Variants in WDR19 observed in about 807,000 individuals in gnomAD.
WDR19 encodes the protein WD repeat-containing protein 19.
In WDR19, 121 loss-of-function variants were observed where a neutral mutation model predicts 180.0. That is an observed-to-expected ratio of 0.67 (90% confidence interval 0.58 to 0.78). The LOEUF is 0.78. Ranked by LOEUF, WDR19 falls within the 30% of genes least tolerant of loss-of-function variation. The pLI, the probability that WDR19 is intolerant of heterozygous loss-of-function variation, is 0.00. For missense variants in WDR19, 1,450 were observed against 1,640.7 expected (o/e 0.88, Z 2.01); for synonymous variants, 497 against 540.7 (o/e 0.92, Z 1.12).
rs999289345 is a variant in WDR19 at position 39,189,669 on chromosome 4, A to G, written c.178A>G (p.Met60Val). The change falls in exon 4 of 37, where the codon ATG (methionine) becomes GTG (valine). Residue 60 changes from methionine (M) to valine (V), a missense_variant. Coordinates refer to ENST00000399820, the MANE Select transcript of WDR19 (RefSeq NM_025132.4). The stretch of plus-strand genomic sequence containing the variant: ...CTTTTTTAAAAGTAACTGTGTTGCC[A>G]TGGATTGGGATAAAGATGGAGATGT... ...EINLPGNCVA[M>V]DWDKDGDVLA... 4 of 1,599,210 alleles carry G rather than the reference A, an allele frequency of 2.5e-6. No individual in the cohort carries two copies. Among genetic ancestry groups the G allele is most frequent in the African/African-American group, 1.3e-5 (1 of 74,382 alleles).
intron 5 of WDR19, among the ~76,000 whole-genome samples, chr4:39,197,666 A>G (rs774446860): frequency 5.7e-4 from 86 of 152,014 alleles, no homozygotes; most frequent in Middle Eastern, 6.3e-3. Flanking sequence ...AAAAAAAAAT[A>G]TATAGTTTTT....
At chr4:39,190,348 C>G (rs969515576) in intron 4 of WDR19, among the ~76,000 whole-genome samples, 1 of 152,082 alleles carries the variant, frequency 6.6e-6, no homozygotes, top group African/African-American at 2.4e-5. Flanking sequence ...CAGGGCAGTT[C>G]CCAAATGGAA....
At chr4:39,253,443 G>A (rs1161054885) in intron 25 of WDR19, among the ~76,000 whole-genome samples, 151 bp downstream of exon 25, 1 of 152,094 alleles carries the variant, frequency 6.6e-6, no homozygotes, top group African/African-American at 2.4e-5. Flanking sequence ...GGCTGTCGTG[G>A]TCAGCAGACA....
chr4:39,197,912 C>G (rs777177950), intron 5 of WDR19, among the ~76,000 whole-genome samples: 1 of 152,204 alleles, frequency 6.6e-6, no homozygotes. Flanking sequence ...GATTACGGCG[C>G]ACTGCAGCCT....
At chr4:39,197,425 CA>C (rs11343008) in intron 5 of WDR19, among the ~76,000 whole-genome samples, 98,102 of 113,236 alleles carry the variant, frequency 0.87, 43,493 homozygotes, top group East Asian at 0.98. Context: ...GACTCTATCT[CA>C]AAAAAAAAAA....
rs1394483779 is a variant in WDR19 at position 39,274,849 on chromosome 4, A to C, written c.3607A>C (p.Arg1203=). The change falls in exon 33 of 37, where the codon AGG becomes CGG. Residue 1203 remains arginine (R), a synonymous_variant. Coordinates refer to ENST00000399820, the MANE Select transcript of WDR19 (RefSeq NM_025132.4). The part of the protein sequence containing the change: ...ILTSTVIECH[R]AGLKNSAFSF... ...GACGTCAACTGTGATTGAGTGTCAC[A>C]GGGCAGGCCTGAAGAACTCTGCTTT... 18 of 1,613,900 alleles carry C rather than the reference A, an allele frequency of 1.1e-5. No homozygotes were observed. Among genetic ancestry groups the C allele is most frequent in the Non-Finnish European group, 1.5e-5 (18 of 1,179,900 alleles).
At chr4:39,185,222 G>T (rs1725389758) in intron 1 of WDR19, among the ~76,000 whole-genome samples, 1 of 152,178 alleles carries the variant, frequency 6.6e-6, no homozygotes, top group Non-Finnish European at 1.5e-5. Flanking sequence ...TCACCCAGTA[G>T]CCAAGTTAAA....
At chr4:39,267,958 G>A (rs759952400) in intron 29 of WDR19, 37 bp from the exon 30 acceptor site, 7 of 1,553,288 alleles carry the variant, frequency 4.5e-6, no homozygotes, top group Admixed American at 1.9e-5. Context: ...CTTAGCTAAT[G>A]AAGAAAGTAA....
Position 39,202,312 on chromosome 4 carries a change from C to T in WDR19, c.523-1330C>T, listed in dbSNP as rs111354535. 4.5e-3 allele frequency among the ~76,000 whole-genome samples: 685 copies of T among 151,992 alleles called. 6 individuals carry two copies. The highest frequency in any genetic ancestry group is 0.015 in the African/African-American group (614 of 41,464). ...ACATTGAGTTTTTTTATTTTAATGA[C>T]GCCTCGTTTTTAGAAAGTACTTTGT... is the stretch of plus-strand genomic sequence containing the variant. On this transcript the variant is annotated intron_variant, in intron 6 of 36. Transcript: ENST00000399820.
At chr4:39,186,476 CTCAAAA>C (rs1725554791) in intron 2 of WDR19, 57 bp from the exon 3 acceptor site, 1 of 756,584 alleles carries the variant, frequency 1.3e-6, no homozygotes, top group Non-Finnish European at 1.7e-6. Context: ...GAGACTCTGT[CTCAAAA>C]AAAAAAAAAA....
chr4:39,253,326 A>G, intron 25 of WDR19, 34 bp downstream of exon 25: 1 of 1,581,548 alleles, frequency 6.3e-7, no homozygotes, highest in Non-Finnish European at 8.6e-7. Context: ...TGGACTTTCA[A>G]AAACTAACCA....
At chr4:39,270,233 AC>A in intron 31 of WDR19, 133 bp downstream of exon 31, 1 of 1,252,486 alleles carries the variant, frequency 8.0e-7, no homozygotes, top group South Asian at 1.5e-5. Context: ...AAAACAAGAT[AC>A]AGAACATATC....
intron 17 of WDR19, among the ~76,000 whole-genome samples, chr4:39,230,961 A>T (rs1730780568): frequency 6.6e-6 from 1 of 152,184 alleles, no homozygotes; most frequent in African/African-American, 2.4e-5. Flanking sequence ...TAGGGTCTCT[A>T]TCGCAGCTAC....
At chr4:39,230,769 GA>G (rs1321467564) in intron 17 of WDR19, among the ~76,000 whole-genome samples, 2 of 152,108 alleles carry the variant, frequency 1.3e-5, no homozygotes, top group African/African-American at 4.8e-5. Flanking sequence ...TGTGTTGGAT[GA>G]AAAAATGGAT....
At position 39,199,695 on chromosome 4, in the gene WDR19, G is replaced by A. The variant is rs573329287; in HGVS notation, c.522+102G>A. On this transcript the variant is annotated intron_variant, in intron 6 of 36. Transcript: ENST00000399820. The stretch of plus-strand genomic sequence containing the variant: ...CTATACAATTTTTAAAAATCTATAT[G>A]TGAGGTATATATGTGTGTGTGTGTA... 2.0e-4 allele frequency: 183 copies of A among 899,876 alleles called. 1 individual carries two copies. The African/African-American group carries it at 2.6e-3, about 13-fold the overall frequency. 55.7% of individuals were successfully genotyped at this position (899,876 alleles called of 1,614,324 possible). A position where few individuals can be genotyped will look rare whatever the true frequency, so the allele number is the denominator to read the frequency against.
chr4:39,275,295 G>A (rs887650386), intron 33 of WDR19: 13 of 317,584 alleles, frequency 4.1e-5, no homozygotes, highest in South Asian at 8.8e-5. Flanking sequence ...AGCCGAGATC[G>A]TGCCATTGCA....
At position 39,244,384 on chromosome 4, in the gene WDR19, T is replaced by A; in HGVS notation, c.2558T>A (p.Met853Lys). ...GACTGTGGAGCCATATTGGAGAATA[T>A]GAAGGTCCTCTTTTCTCTGCATCAA... ...KRDCGAILEN[M>K]KQFSEAAQLY... The change falls in exon 22 of 37, where the codon ATG (methionine) becomes AAG (lysine). Residue 853 changes from methionine (M) to lysine (K), a missense_variant. Transcript: ENST00000399820. 6.2e-7 allele frequency: 1 copy of A among 1,613,992 alleles called. No individual in the cohort carries two copies.
At chr4:39,245,094 T>G (rs1449847557) in intron 23 of WDR19, among the ~76,000 whole-genome samples, 3 of 150,756 alleles carry the variant, frequency 2.0e-5, no homozygotes, top group Non-Finnish European at 1.5e-5. Flanking sequence ...GCTGCCACAA[T>G]GCCTGGCTAA....
At chr4:39,215,702 TAA>T in intron 10 of WDR19, 137 bp from the exon 11 acceptor site, 5 of 739,312 alleles carry the variant, frequency 6.8e-6, no homozygotes, top group Non-Finnish European at 9.7e-6. Context: ...TTTCCTAGTC[TAA>T]AAAAAAAACT....
Sources: allele counts gnomAD v4.1 joint callset (sites outside exome capture counted in the v4.1 genomes callset), GRCh38; gene constraint gnomAD v4.1.1; transcripts MANE v1.5; gene names NCBI Gene and HGNC (gene_info 2026-07-23, HGNC 2026-07-21).